The following PLOD1 variants were observed in gnomAD, a reference collection of about 807,000 sequenced individuals.
The protein encoded by PLOD1 is lysine hydroxylase.
A neutral mutation model predicts 94.7 loss-of-function variants in PLOD1; 70 were observed. The observed-to-expected ratio is 0.74, with a 90% CI of 0.61 to 0.90. The LOEUF (loss-of-function observed/expected upper bound fraction) is 0.90. Ranked by LOEUF, PLOD1 falls within the 40% of genes least tolerant of loss-of-function variation. The probability of loss-of-function intolerance (pLI) is 0.00; values close to 1 mark genes in which losing one functional copy is unlikely to be tolerated. For synonymous variants in PLOD1, 417 were observed against 400.2 expected, an observed-to-expected ratio of 1.04 and a Z score of -0.50; for missense variants, 905 against 972.7, an observed-to-expected ratio of 0.93 and a Z score of 0.93.
At chr1:11,944,453 A>T (rs894693847) in intron 1 of PLOD1, 17 of 977,802 alleles carry the variant, frequency 1.7e-5, no homozygotes, top group African/African-American at 1.8e-5. Context: ...ACACACACAC[A>T]CTCACTCACA....
intron 6 of PLOD1, 87 bp from the exon 7 acceptor site, chr1:11,956,830 A>G: frequency 1.2e-6 from 1 of 835,596 alleles, no homozygotes; most frequent in East Asian, 2.4e-5. Flanking sequence ...TACTCACTGC[A>G]CAGCTGGGAT....
chr1:11,948,353 C>T lies in PLOD1; in HGVS notation c.168+286C>T, dbSNP rs138210445. Among the ~76,000 whole-genome samples the T allele has an allele frequency of 4.4e-3, 666 of 152,208 alleles. 2 individuals carry two copies. Among genetic ancestry groups the T allele is most frequent in the African/African-American group, 0.015 (634 of 41,530 alleles). The stretch of plus-strand genomic sequence containing the variant: ...GAGGCTAGTTTAGAGGACAGGGCCT[C>T]GGGATCAGCATTTCCACAAGTACCA... On this transcript the variant is annotated intron_variant, in intron 2 of 18. Coordinates refer to ENST00000196061, the MANE Select transcript of PLOD1 (RefSeq NM_000302.4).
intron 4 of PLOD1, among the ~76,000 whole-genome samples, chr1:11,951,025 C>G (rs1448801324): frequency 6.6e-6 from 1 of 151,974 alleles, no homozygotes. Context: ...AACTCCTGGC[C>G]TTAAGTGATC....
At position 11,948,013 on chromosome 1, in the gene PLOD1, C is replaced by A; in HGVS notation, c.114C>A (p.Thr38=). The part of the protein sequence containing the change: ...LLVLTVATKE[T]EGFRRFKRSA... ...TCCTCACGGTGGCCACTAAGGAGAC[C>A]GAGGGATTCCGTCGCTTCAAGCGCT... The change falls in exon 2 of 19, where the codon ACC becomes ACA. Residue 38 remains threonine (T), a synonymous_variant. Coordinates refer to ENST00000196061, the MANE Select transcript of PLOD1 (RefSeq NM_000302.4). 6.2e-7 allele frequency: 1 copy of A among 1,613,818 alleles called. No individual in the cohort carries two copies. The highest frequency in any genetic ancestry group is 8.5e-7 in the Non-Finnish European group (1 of 1,179,746).
At chr1:11,950,111 TG>T (rs546621821) in intron 3 of PLOD1, among the ~76,000 whole-genome samples, 249 of 152,280 alleles carry the variant, frequency 1.6e-3, no homozygotes, top group African/African-American at 5.9e-3. Context: ...ATGAGTGTGA[TG>T]GGCCCCCTTT....
Position 11,960,628 on chromosome 1 carries a change from C to T in PLOD1, c.976-18C>T. ...CTCCTCCTCACCCCCGCATCCCCTT[C>T]CCCATCCCCAACCCCAGGAGCAGCA... On this transcript the variant is annotated intron_variant, in intron 9 of 18. Transcript: ENST00000196061. 2.3e-6 allele frequency: 3 copies of T among 1,329,962 alleles called. No individual in the cohort carries two copies. The highest frequency in any genetic ancestry group is 3.2e-6 in the Non-Finnish European group (3 of 936,794). 82.4% of individuals were successfully genotyped at this position (1,329,962 alleles called of 1,614,324 possible). A position where few individuals can be genotyped will look rare whatever the true frequency, so the allele number is the denominator to read the frequency against.
chr1:11,974,761 A>T lies in PLOD1; in HGVS notation c.2137A>T (p.Thr713Ser). The T allele has an allele frequency of 6.2e-7, 1 of 1,614,026 alleles. No homozygotes were observed. The highest frequency in any genetic ancestry group is 1.7e-5 in the Admixed American group (1 of 60,014). ...RLTHYHEGLP[T>S]TRGTRYIAVS... ...CACGCATTACCATGAGGGGCTCCCC[A>T]CCACCAGGGGCACCCGCTACATCGC... The change falls in exon 19 of 19, where the codon ACC (threonine) becomes TCC (serine). Residue 713 changes from threonine to serine, a missense_variant. Coordinates refer to ENST00000196061, the MANE Select transcript of PLOD1 (RefSeq NM_000302.4).
In PLOD1 at chr1:11,950,504, G is replaced by T. The variant is rs778072657; in HGVS notation, c.450G>T (p.Arg150Ser). 6.8e-6 allele frequency: 11 copies of T among 1,613,910 alleles called. No individual in the cohort carries two copies. Among genetic ancestry groups the T allele is most frequent in the Non-Finnish European group, 8.5e-6 (10 of 1,180,016 alleles). Residue 150 changes from arginine (R) to serine (S), a missense_variant, in exon 4 of 19, where the codon AGG (arginine) becomes AGT (serine). Coordinates refer to ENST00000196061, the MANE Select transcript of PLOD1 (RefSeq NM_000302.4). ...ATCCGGTGGTGTCCGATGGCAAGAG[G>T]TTCCTGGGCTCTGGAGGTGAGAGGC... is the stretch of plus-strand genomic sequence containing the variant. Reference protein sequence around the residue: ...TKYPVVSDGKRFLGSGGFIGY... With the variant: ...TKYPVVSDGKSFLGSGGFIGY...
chr1:11,970,143 C>CG (rs1298832686), intron 16 of PLOD1, among the ~76,000 whole-genome samples: 1 of 150,772 alleles, frequency 6.6e-6, no homozygotes, highest in Non-Finnish European at 1.5e-5. Context: ...CCCAGCTACT[C>CG]GGGAGGCTGA....
intron 4 of PLOD1, among the ~76,000 whole-genome samples, 170 bp downstream of exon 4, chr1:11,950,690 C>T (rs1428412082): frequency 1.3e-5 from 2 of 152,194 alleles, no homozygotes; most frequent in East Asian, 3.8e-4. Context: ...CCCTGCAGTT[C>T]TGATCTCATT....
intron 4 of PLOD1, among the ~76,000 whole-genome samples, chr1:11,950,888 G>A (rs1645696239): frequency 1.3e-5 from 2 of 152,138 alleles, no homozygotes; most frequent in African/African-American, 4.8e-5. Context: ...CCGCCTCTTG[G>A]GCTCAAGCAA....
At chr1:11,954,530 G>A in intron 5 of PLOD1, 1 of 669,344 alleles carries the variant, frequency 1.5e-6, no homozygotes, top group South Asian at 1.4e-5. Context: ...GTAGTGGAGT[G>A]CTTGGCAGGT....
intron 6 of PLOD1, among the ~76,000 whole-genome samples, chr1:11,956,039 G>A (rs1473831804): frequency 6.6e-6 from 1 of 152,046 alleles, no homozygotes; most frequent in Non-Finnish European, 1.5e-5. Flanking sequence ...TGGGATTACA[G>A]GTGTGCGCCA....
rs748173461 is a variant in PLOD1 at position 11,949,821 on chromosome 1, G to T, written c.217G>T (p.Gly73Cys). 8.7e-6 allele frequency: 14 copies of T among 1,614,096 alleles called. No individual in the cohort carries two copies. Among genetic ancestry groups the T allele is most frequent in the Non-Finnish European group, 1.0e-5 (12 of 1,179,958 alleles). ...DWNVEKGTSAGGGQKVRLLKK... is the reference protein window; with the variant it reads ...DWNVEKGTSACGGQKVRLLKK... ...GAATGTGGAGAAGGGGACGTCGGCA[G>T]GTGGAGGGCAGAAGGTCCGGCTGCT... The change falls in exon 3 of 19, where the codon GGT becomes TGT. Residue 73 changes from glycine to cysteine, a missense_variant. Physicochemically the swap from Gly to Cys is radical, Grantham distance 159 (BLOSUM62 -3). Coordinates refer to ENST00000196061, the MANE Select transcript of PLOD1 (RefSeq NM_000302.4).
In PLOD1 at chr1:11,957,018, G is replaced by C. The variant is rs763641520; in HGVS notation, c.741+4G>C. ...CCATGGCAACGGGCCAACCAAGGTA[G>C]GGGGTCCCCAGCCCCTGGGGAGTGT... On this transcript the variant is annotated splice_donor_region_variant and intron_variant, in intron 7 of 18. Coordinates refer to ENST00000196061, the MANE Select transcript of PLOD1 (RefSeq NM_000302.4). The surrounding 1 kb of genome is among the most constrained non-coding windows in gnomAD (Gnocchi z 4.1). 1.1e-5 allele frequency: 17 copies of C among 1,600,084 alleles called. No individual in the cohort carries two copies. Among genetic ancestry groups the C allele is most frequent in the Middle Eastern group, 1.7e-4 (1 of 6,058 alleles).
chr1:11,949,718 C>T, intron 2 of PLOD1, 55 bp from the exon 3 acceptor site: 1 of 1,594,798 alleles, frequency 6.3e-7, no homozygotes, highest in Non-Finnish European at 8.6e-7. Flanking sequence ...CCACGGCCAG[C>T]CCTGGAAAAA....
intron 2 of PLOD1, among the ~76,000 whole-genome samples, 179 bp from the exon 3 acceptor site, chr1:11,949,594 G>A (rs1645683188): frequency 6.6e-6 from 1 of 151,994 alleles, no homozygotes; most frequent in South Asian, 2.1e-4. Context: ...TAATTTTTGT[G>A]TTTTTAGTAG....
chr1:11,962,952 A>G (rs1470399632), intron 10 of PLOD1, among the ~76,000 whole-genome samples: 2 of 152,052 alleles, frequency 1.3e-5, no homozygotes, highest in Non-Finnish European at 2.9e-5. Flanking sequence ...GAGGCAGGAG[A>G]ATCGCTTGAA....
At position 11,934,734 on chromosome 1, in the gene PLOD1, C is replaced by A; in HGVS notation, c.-46C>A. ...GCGGCCCCGTCGCGAAGTTTCCAGCCCTGCGAGCGCCGCCGGGTCGGCCGA... is the reference window on the plus strand; with the variant it reads ...GCGGCCCCGTCGCGAAGTTTCCAGCACTGCGAGCGCCGCCGGGTCGGCCGA... On this transcript the variant is annotated 5_prime_UTR_variant, in exon 1 of 19. Coordinates refer to ENST00000196061, the MANE Select transcript of PLOD1 (RefSeq NM_000302.4). 1 of 1,517,794 alleles carries A rather than the reference C, an allele frequency of 6.6e-7. No individual in the cohort carries two copies. Among genetic ancestry groups the A allele is most frequent in the Non-Finnish European group, 8.8e-7 (1 of 1,139,810 alleles). The allele number at this position is 1,517,794 out of a possible 1,614,324, so 94.0% of individuals were successfully genotyped here. A position where few individuals can be genotyped will look rare whatever the true frequency, so the allele number is the denominator to read the frequency against.
Sources: allele counts gnomAD v4.1 joint callset (sites outside exome capture counted in the v4.1 genomes callset), GRCh38; gene constraint gnomAD v4.1.1; non-coding constraint Gnocchi (gnomAD v3.1); transcripts MANE v1.5; gene names NCBI Gene and HGNC (gene_info 2026-07-23, HGNC 2026-07-21).